ATP7A: variants seen among roughly 807,000 people sequenced by gnomAD.
The protein encoded by ATP7A is copper-transporting ATPase 1.
A neutral mutation model predicts 83.5 loss-of-function variants in ATP7A; 7 were observed. The observed-to-expected ratio is 0.08, with a 90% confidence interval of 0.05 to 0.16. The LOEUF is 0.16. Ranked by LOEUF, ATP7A falls within the 10% of genes least tolerant of loss-of-function variation. The pLI, the probability that ATP7A is intolerant of heterozygous loss-of-function variation, is 1.00. For missense variants in ATP7A, 940 were observed against 1,120.8 expected (o/e 0.84, Z 2.30); for synonymous variants, 354 against 395.2 (o/e 0.90, Z 1.24).
chrX:77,948,785 G>C (rs1557226491), intron 1 of ATP7A, among the ~76,000 whole-genome samples: 1 of 111,598 alleles, frequency 9.0e-6, no homozygotes, highest in Non-Finnish European at 1.9e-5. Context: ...TACCATGGTC[G>C]GTCAGTTGAA....
chrX:77,969,699 T>C (rs2077535251), intron 1 of ATP7A: 5 of 1,183,558 alleles, frequency 4.2e-6, no homozygotes, highest in Non-Finnish European at 4.6e-6. Flanking sequence ...GGTTATACGC[T>C]GAAAATTCTT....
At chrX:78,017,912 A>G (rs1260800237) in intron 12 of ATP7A, among the ~76,000 whole-genome samples, 1 of 106,227 alleles carries the variant, frequency 9.4e-6, no homozygotes, top group Admixed American at 1.0e-4. Context: ...AGTAGCTGGG[A>G]CTACAGGCAC....
chrX:77,980,483 T>C (rs2077598974), intron 2 of ATP7A, among the ~76,000 whole-genome samples: 1 of 109,774 alleles, frequency 9.1e-6, no homozygotes, highest in Non-Finnish European at 1.9e-5. Context: ...AATGACCACA[T>C]CAATGCTAGC....
At chrX:77,959,255 A>T (rs1373266423) in intron 1 of ATP7A, among the ~76,000 whole-genome samples, 1 of 111,259 alleles carries the variant, frequency 9.0e-6, no homozygotes, top group African/African-American at 3.3e-5. Flanking sequence ...GTATCCTGTG[A>T]CTTACTGAAT....
chrX:77,988,021 AC>A (rs2077648370), intron 2 of ATP7A, among the ~76,000 whole-genome samples: 1 of 111,272 alleles, frequency 9.0e-6, no homozygotes, highest in Admixed American at 9.6e-5. Flanking sequence ...CCTGATAGGT[AC>A]CACAGTCACA....
At chrX:77,915,229 C>T (rs1011695251) in intron 1 of ATP7A, among the ~76,000 whole-genome samples, 21 of 110,556 alleles carry the variant, frequency 1.9e-4, no homozygotes, top group South Asian at 3.8e-4. Flanking sequence ...GTGGAAGGAT[C>T]GCTTGAGCCT....
chrX:78,041,083 T>A (rs1449947949), intron 19 of ATP7A, among the ~76,000 whole-genome samples: 1 of 110,723 alleles, frequency 9.0e-6, no homozygotes, highest in East Asian at 2.8e-4. Flanking sequence ...TCCACACACA[T>A]CCCTCTCTAG....
chrX:78,012,197 A>G (rs782429194), intron 9 of ATP7A, among the ~76,000 whole-genome samples: 22 of 111,808 alleles, frequency 2.0e-4, no homozygotes, highest in African/African-American at 6.5e-4. Flanking sequence ...ATAAACTTTT[A>G]CTTTGGAATA....
chrX:77,928,311 G>GA (rs1170835233), intron 1 of ATP7A, among the ~76,000 whole-genome samples: 3 of 110,271 alleles, frequency 2.7e-5, no homozygotes, highest in South Asian at 7.6e-4. Flanking sequence ...TAATGATTTT[G>GA]AAAAAAAAGA....
At chrX:77,997,505 CAT>C (rs1213097286) in intron 4 of ATP7A, among the ~76,000 whole-genome samples, 1 of 112,085 alleles carries the variant, frequency 8.9e-6, no homozygotes, top group Non-Finnish European at 1.9e-5. Context: ...GCTAAATAGA[CAT>C]GAGCTGGTAT....
intron 15 of ATP7A, 114 bp from the exon 16 acceptor site, chrX:78,031,286 G>A (rs1603389332): frequency 2.7e-6 from 2 of 727,787 alleles, no homozygotes; most frequent in Non-Finnish European, 2.1e-6. Context: ...TAAGTCAAAG[G>A]TCAGTTTACT....
chrX:78,020,925 G>A lies in ATP7A; in HGVS notation c.2782-20G>A. 8.4e-7 allele frequency: 1 copy of A among 1,195,788 alleles called. No individual in the cohort carries two copies. Among genetic ancestry groups the A allele is most frequent in the Non-Finnish European group, 1.1e-6 (1 of 882,037 alleles). ...TGATATGCTTCTTCTTCTTATTATT[G>A]TTGTTATTTTTAATTCTAGGCTCCT... is the stretch of plus-strand genomic sequence containing the variant. On this transcript the variant is annotated intron_variant, in intron 13 of 22. Transcript: ENST00000341514.
At chrX:77,958,586 T>C (rs1208253765) in intron 1 of ATP7A, among the ~76,000 whole-genome samples, 1 of 110,920 alleles carries the variant, frequency 9.0e-6, no homozygotes, top group African/African-American at 3.3e-5. Flanking sequence ...TGGGGACTTT[T>C]GTCATTCCAT....
chrX:77,992,727 T>G (rs1442380049), intron 4 of ATP7A, among the ~76,000 whole-genome samples: 1 of 110,874 alleles, frequency 9.0e-6, no homozygotes, highest in Non-Finnish European at 1.9e-5. Flanking sequence ...TTCTCCTGCC[T>G]CAGCCTCCTG....
intron 1 of ATP7A, among the ~76,000 whole-genome samples, chrX:77,960,353 G>A (rs1185741457): frequency 8.9e-6 from 1 of 112,445 alleles, no homozygotes; most frequent in African/African-American, 3.2e-5. Context: ...CTGCACTCCC[G>A]CCTGAGCGAC....
intron 6 of ATP7A, 79 bp from the exon 7 acceptor site, chrX:78,009,017 CAAAAAA>C: frequency 1.0e-5 from 8 of 803,870 alleles, no homozygotes; most frequent in South Asian, 2.5e-5. Flanking sequence ...GACTCTGTCT[CAAAAAA>C]AAAAAAAAAA....
intron 1 of ATP7A, among the ~76,000 whole-genome samples, chrX:77,919,165 A>G (rs2077198766): frequency 8.9e-6 from 1 of 112,129 alleles, no homozygotes; most frequent in African/African-American, 3.2e-5. Context: ...TTGTGGAAAG[A>G]ATACTGAATT....
chrX:77,961,059 G>T (rs1293512835), intron 1 of ATP7A, among the ~76,000 whole-genome samples: 3 of 110,634 alleles, frequency 2.7e-5, no homozygotes, highest in Non-Finnish European at 5.7e-5. Context: ...TTCCTCCAAG[G>T]TTTCATGTGT....
intron 2 of ATP7A, among the ~76,000 whole-genome samples, chrX:77,984,523 A>G (rs1263708927): frequency 9.1e-6 from 1 of 109,988 alleles, no homozygotes; most frequent in African/African-American, 3.3e-5. Context: ...ACCCACCACC[A>G]CGGCCAGCTA....
Sources: allele counts gnomAD v4.1 joint callset (sites outside exome capture counted in the v4.1 genomes callset), GRCh38; gene constraint gnomAD v4.1.1; transcripts MANE v1.5; gene names NCBI Gene and HGNC (gene_info 2026-07-23, HGNC 2026-07-21).